WASHC2C: variants seen among roughly 807,000 people sequenced by gnomAD.
WASHC2C encodes the protein Vaccinia Penetration Factor.
In WASHC2C, 73 loss-of-function variants were observed where a neutral mutation model predicts 142.2. The observed-to-expected ratio is 0.51, with a 90% CI of 0.43 to 0.62. WASHC2C has a LOEUF of 0.62. Ranked by LOEUF, WASHC2C falls within the 20% of genes least tolerant of loss-of-function variation. The pLI, the probability that WASHC2C is intolerant of heterozygous loss-of-function variation, is 0.00. For missense variants in WASHC2C, 969 were observed against 1,531.7 expected (o/e 0.63, Z 6.13); for synonymous variants, 337 against 565.5 (o/e 0.60, Z 5.73).
Position 45,744,917 on chromosome 10 carries a change from G to A in WASHC2C, c.684+35G>A. 9 of 528,514 alleles carry A rather than the reference G, an allele frequency of 1.7e-5. No homozygotes were observed. The East Asian group carries it at 2.3e-4, about 13-fold the overall frequency. 32.7% of individuals were successfully genotyped at this position (528,514 alleles called of 1,614,324 possible). A position where few individuals can be genotyped will look rare whatever the true frequency, so the allele number is the denominator to read the frequency against. On this transcript the variant is annotated intron_variant, in intron 7 of 30. Transcript: ENST00000623400. The stretch of plus-strand genomic sequence containing the variant: ...GTTTGGTATGACCAGGTCACGGTGG[G>A]CAGCAAGCTTAATTTAAGATGGGCC...
intron 3 of WASHC2C, among the ~76,000 whole-genome samples, chr10:45,736,011 G>A (rs1448705893): frequency 1.3e-5 from 2 of 151,966 alleles, no homozygotes; most frequent in Non-Finnish European, 1.5e-5. Context: ...GCTCACACCT[G>A]TAATCCCAGC....
chr10:45,756,834 G>A (rs2054366419), intron 15 of WASHC2C, among the ~76,000 whole-genome samples, 178 bp from the exon 16 acceptor site: 1 of 152,142 alleles, frequency 6.6e-6, no homozygotes, highest in Non-Finnish European at 1.5e-5. Flanking sequence ...CTGCTACTAT[G>A]CACTTTGAAA....
Position 45,773,148 on chromosome 10 carries a change from G to A in WASHC2C, c.2040-108G>A, listed in dbSNP as rs2056752279. On this transcript the variant is annotated intron_variant, in intron 20 of 30. Transcript: ENST00000623400. ...GTCAACTAATGGCTTGGGTGTTTGGGTGGTAGGTGGATTCCTGTAGGTGCA... is the reference window on the plus strand; with the variant it reads ...GTCAACTAATGGCTTGGGTGTTTGGATGGTAGGTGGATTCCTGTAGGTGCA... 9.5e-6 allele frequency: 5 copies of A among 525,912 alleles called. No homozygotes were observed. The Admixed American group carries it at 1.4e-4, about 14-fold the overall frequency. 32.6% of individuals were successfully genotyped at this position (525,912 alleles called of 1,614,324 possible). A position where few individuals can be genotyped will look rare whatever the true frequency, so the allele number is the denominator to read the frequency against.
chr10:45,727,236 T>C, upstream of WASHC2C: 1 of 1,523,678 alleles, frequency 6.6e-7, no homozygotes, highest in Non-Finnish European at 8.8e-7. Flanking sequence ...CCCGGGCAGC[T>C]TGGCTGGGGC....
At chr10:45,749,837 A>AAAAAAAAATATC (rs2053344377) in intron 8 of WASHC2C, among the ~76,000 whole-genome samples, 2 of 66,480 alleles carry the variant, frequency 3.0e-5, no homozygotes, top group African/African-American at 6.4e-5. Context: ...AAAAAAAAAA[A>AAAAAAAAATATC]TATATATATA....
chr10:45,791,016 C>T (rs1339806983), intron 30 of WASHC2C, among the ~76,000 whole-genome samples: 1 of 152,076 alleles, frequency 6.6e-6, no homozygotes, highest in East Asian at 1.9e-4. Flanking sequence ...TCACTGAGGT[C>T]TTTGGTGTTT....
chr10:45,784,291 C>CATATATATATATATATATATATATAT (rs1270243147), intron 23 of WASHC2C, among the ~76,000 whole-genome samples: 2 of 8,786 alleles, frequency 2.3e-4, no homozygotes, highest in African/African-American at 3.2e-4. Context: ...TATATATATA[C>CATATATATATATATATATATATATAT]ACATATATAT....
In WASHC2C at chr10:45,759,345, C is replaced by G. The variant is rs781990961; in HGVS notation, c.1579C>G (p.Pro527Ala). The G allele has an allele frequency of 3.9e-6, 5 of 1,281,398 alleles. 1 individual carries two copies. In the Admixed American group the frequency reaches 9.8e-5, roughly 25 times the overall value. The allele number at this position is 1,281,398 out of a possible 1,614,324, so 79.4% of individuals were successfully genotyped here. The change falls in exon 17 of 31, where the codon CCC becomes GCC. Residue 527 changes from proline to alanine, a missense_variant. Pro to Ala is a conservative substitution (Grantham distance 27). Transcript: ENST00000623400. ...CTTATCTTACAGCAAAAATCTCAAG[C>G]CCTCATCAGAAACAAAGACTCAAAA... Reference protein sequence around the residue: ...VTLSYSKNLKPSSETKTQKGL... With the variant: ...VTLSYSKNLKASSETKTQKGL...
chr10:45,741,753 G>A (rs2134294784), intron 5 of WASHC2C, among the ~76,000 whole-genome samples: 1 of 151,494 alleles, frequency 6.6e-6, no homozygotes, highest in African/African-American at 2.4e-5. Context: ...TCCTTCAGCA[G>A]TGGAGGTAGG....
At position 45,755,045 on chromosome 10, in the gene WASHC2C, C is replaced by T. The variant is rs5029704; in HGVS notation, c.1350C>T (p.Leu450=). The change falls in exon 15 of 31, where the codon CTC becomes CTT. Residue 450 remains leucine (L), a synonymous_variant. Transcript: ENST00000623400. ...KSPYGPPPTG[L]FDDDDGDDDD... is the part of the protein sequence containing the mutation. ...CCTATGGTCCCCCTCCCACTGGCCT[C>T]TTTGATGATGATGATGGTGATGATG... 9.9e-6 allele frequency: 16 copies of T among 1,611,826 alleles called. No individual in the cohort carries two copies. The East Asian group carries it at 3.1e-4, about 31-fold the overall frequency.
chr10:45,782,714 A>G (rs2057616749), intron 23 of WASHC2C, among the ~76,000 whole-genome samples: 1 of 152,366 alleles, frequency 6.6e-6, no homozygotes, highest in Admixed American at 6.5e-5. Context: ...ATGGCTAAAC[A>G]TAATATAGTA....
At chr10:45,760,792 C>T (rs1383204089) in intron 17 of WASHC2C, among the ~76,000 whole-genome samples, 2 of 140,608 alleles carry the variant, frequency 1.4e-5, no homozygotes, top group African/African-American at 5.4e-5. Flanking sequence ...TCACTGTTTA[C>T]CACAGCACGT....
intron 28 of WASHC2C, among the ~76,000 whole-genome samples, 186 bp downstream of exon 28, chr10:45,787,433 A>G (rs76598903): frequency 0.071 from 8,525 of 120,544 alleles, 291 homozygotes; most frequent in African/African-American, 0.12. Context: ...CTGCTTTTCC[A>G]TGGCCTGCAT....
chr10:45,785,745 A>G, intron 26 of WASHC2C, 114 bp downstream of exon 26: 1 of 1,593,692 alleles, frequency 6.3e-7, no homozygotes, highest in Non-Finnish European at 8.5e-7. Context: ...GGAAACAGCA[A>G]CCAGGGCTAC....
chr10:45,784,269 T>TATATACAC (rs2057788027), intron 23 of WASHC2C, among the ~76,000 whole-genome samples: 1 of 13,488 alleles, frequency 7.4e-5, no homozygotes, highest in African/African-American at 2.1e-4. Flanking sequence ...TATATATATA[T>TATATACAC]ATATATATAT....
In WASHC2C at chr10:45,789,457, A is replaced by G. The variant is rs1163806807; in HGVS notation, c.3674A>G (p.Gln1225Arg). Residue 1225 changes from glutamine to arginine, a missense_variant, in exon 29 of 31, where the codon CAG becomes CGG. Gln to Arg is a conservative substitution (Grantham distance 43). Coordinates refer to ENST00000623400, the MANE Select transcript of WASHC2C (RefSeq NM_001330074.2). ...KKNETKSSSQ[Q>R]DVILTTQDIF... ...AATGAGACAAAATCCAGTAGTCAGCAGGATGTCATATTAACAACACAAGAT... is the reference window on the plus strand; with the variant it reads ...AATGAGACAAAATCCAGTAGTCAGCGGGATGTCATATTAACAACACAAGAT... 6.2e-7 allele frequency: 1 copy of G among 1,612,100 alleles called. No homozygotes were observed. The highest frequency in any genetic ancestry group is 1.7e-5 in the Admixed American group (1 of 60,024).
intron 8 of WASHC2C, among the ~76,000 whole-genome samples, chr10:45,746,903 C>G (rs1374998506): frequency 6.6e-6 from 1 of 152,166 alleles, no homozygotes; most frequent in African/African-American, 2.4e-5. Flanking sequence ...AACAGAGCCT[C>G]TAAAAGAAGA....
At position 45,789,178 on chromosome 10, in the gene WASHC2C, C is replaced by A. The variant is rs2058252487; in HGVS notation, c.3395C>A (p.Ser1132Tyr). The A allele has an allele frequency of 6.2e-7, 1 of 1,612,068 alleles. No individual in the cohort carries two copies. The highest frequency in any genetic ancestry group is 1.3e-5 in the African/African-American group (1 of 74,990). ...AGAGGGGAGGCTGACCTTTTTGATT[C>A]TGGGGACATTTTTTCCACGGGCACT... ...HSRGEADLFD[S>Y]GDIFSTGTGS... Residue 1132 changes from serine (S) to tyrosine (Y), a missense_variant, in exon 29 of 31, where the codon TCT becomes TAT. Ser to Tyr is a moderately radical substitution (Grantham distance 144). Coordinates refer to ENST00000623400, the MANE Select transcript of WASHC2C (RefSeq NM_001330074.2).
intron 2 of WASHC2C, among the ~76,000 whole-genome samples, chr10:45,728,294 T>G (rs2050137109): frequency 6.6e-6 from 1 of 152,160 alleles, no homozygotes; most frequent in African/African-American, 2.4e-5. Context: ...CCTCCCAAAG[T>G]GTTGGATTAC....
Sources: allele counts gnomAD v4.1 joint callset (sites outside exome capture counted in the v4.1 genomes callset), GRCh38; gene constraint gnomAD v4.1.1; transcripts MANE v1.5; gene names NCBI Gene and HGNC (gene_info 2026-07-23, HGNC 2026-07-21).